The following FSTL5 variants were observed in gnomAD, a reference collection of about 807,000 sequenced individuals.
FSTL5 encodes the protein follistatin-related protein 5.
Under a neutral mutation model 89.1 loss-of-function variants are expected in FSTL5, and 62 were observed. The ratio of observed to expected loss-of-function variants is 0.70; its 90% CI spans 0.57 to 0.86. The LOEUF is 0.86. Ranked by LOEUF, FSTL5 falls within the 40% of genes least tolerant of loss-of-function variation. The pLI is 0.00. For missense variants in FSTL5, 1,057 were observed against 1,001.6 expected, an observed-to-expected ratio of 1.06 and a Z score of -0.75; for synonymous variants, 383 against 346.2, an observed-to-expected ratio of 1.11 and a Z score of -1.18.
At chr4:161,757,133 G>C (rs1740597755) in intron 6 of FSTL5, among the ~76,000 whole-genome samples, 1 of 152,022 alleles carries the variant, frequency 6.6e-6, no homozygotes, top group Admixed American at 6.5e-5. Flanking sequence ...TCAAGTATCT[G>C]ACTTTTTATT....
chr4:161,835,941 A>T (rs1408031412), intron 4 of FSTL5, among the ~76,000 whole-genome samples: 5 of 151,896 alleles, frequency 3.3e-5, no homozygotes, highest in Non-Finnish European at 5.9e-5. Flanking sequence ...TGACCCAGCC[A>T]TCCCATTACT....
chr4:161,929,672 T>C (rs1734228063), intron 3 of FSTL5, among the ~76,000 whole-genome samples: 1 of 109,482 alleles, frequency 9.1e-6, no homozygotes. Context: ...TGTGTGTGTG[T>C]GTGTGTGTGT....
At chr4:161,473,632 A>G (rs370373325) in intron 13 of FSTL5, among the ~76,000 whole-genome samples, 39 of 152,040 alleles carry the variant, frequency 2.6e-4, no homozygotes, top group African/African-American at 8.7e-4. Flanking sequence ...CCATCTCACT[A>G]TGTTGTCCAG....
intron 2 of FSTL5, among the ~76,000 whole-genome samples, chr4:162,094,032 C>G (rs1465604945): frequency 6.6e-6 from 1 of 152,048 alleles, no homozygotes; most frequent in East Asian, 1.9e-4. Context: ...TATTAAGAAC[C>G]ATTTTGATAT....
intron 6 of FSTL5, among the ~76,000 whole-genome samples, chr4:161,660,836 A>C (rs1271421928): frequency 3.3e-5 from 5 of 152,072 alleles, no homozygotes. Context: ...AGTATTCCAT[A>C]GTGTATACGT....
chr4:161,453,707 G>A (rs1019375018), intron 15 of FSTL5, among the ~76,000 whole-genome samples: 3 of 152,012 alleles, frequency 2.0e-5, no homozygotes, highest in South Asian at 2.1e-4. Flanking sequence ...CAATCCTCCC[G>A]CCTCATCCTC....
At chr4:161,547,714 A>G (rs72685745) in intron 8 of FSTL5, among the ~76,000 whole-genome samples, 11,570 of 151,948 alleles carry the variant, frequency 0.076, 538 homozygotes, top group Middle Eastern at 0.15. Flanking sequence ...CAGAAAAGTC[A>G]TTTACCTTTG....
Position 161,587,524 on chromosome 4 carries a change from C to A in FSTL5, c.946G>T (p.Val316Phe). 6.2e-7 allele frequency: 1 copy of A among 1,611,662 alleles called. No individual in the cohort carries two copies. The highest frequency in any genetic ancestry group is 2.2e-5 in the East Asian group (1 of 44,710). ...LYITKVTTTHVGNYTCYADGY... is the reference protein window; with the variant it reads ...LYITKVTTTHFGNYTCYADGY... ...TCTGCATAGCAGGTGTAATTGCCAA[C>A]GTGAGTTGTGGTAACCTTAGTAATA... The change falls in exon 8 of 16, where the codon GTT becomes TTT. Residue 316 changes from valine to phenylalanine, a missense_variant. Transcript: ENST00000306100.
At chr4:161,590,545 A>C (rs1733778133) in intron 7 of FSTL5, among the ~76,000 whole-genome samples, 1 of 152,160 alleles carries the variant, frequency 6.6e-6, no homozygotes, top group Non-Finnish European at 1.5e-5. Context: ...TCTCAAAACA[A>C]AACAAAACAA....
At chr4:161,899,658 G>A (rs947747127) in intron 4 of FSTL5, among the ~76,000 whole-genome samples, 10 of 152,202 alleles carry the variant, frequency 6.6e-5, no homozygotes, top group Admixed American at 6.5e-4. Context: ...ATCAAATAAT[G>A]GCCCTGATCC....
chr4:162,107,746 T>A (rs1197632934), intron 2 of FSTL5, among the ~76,000 whole-genome samples: 1 of 152,140 alleles, frequency 6.6e-6, no homozygotes, highest in African/African-American at 2.4e-5. Flanking sequence ...GTCATTTTGC[T>A]TTACTATCAT....
At chr4:161,756,522 T>C (rs758610270) in intron 6 of FSTL5, among the ~76,000 whole-genome samples, 28 of 152,254 alleles carry the variant, frequency 1.8e-4, no homozygotes, top group Non-Finnish European at 3.4e-4. Context: ...TTATGTGTAA[T>C]CTGTTTTACT....
rs192848200 is a variant in FSTL5 at position 161,399,106 on chromosome 4, A to G, written c.1842-12657T>C. 2.6e-5 allele frequency among the ~76,000 whole-genome samples: 4 copies of G among 152,274 alleles called. No homozygotes were observed. In the East Asian group the frequency reaches 7.7e-4, roughly 29 times the overall value. On this transcript the variant is annotated intron_variant, in intron 15 of 15. Transcript: ENST00000306100. ...AAAATAAAATAAGCGAAGTCTGTGC[A>G]TGGACTGAAGAGATACATGCTCAGA...
At chr4:161,982,611 G>T (rs1735855273) in intron 3 of FSTL5, among the ~76,000 whole-genome samples, 1 of 152,072 alleles carries the variant, frequency 6.6e-6, no homozygotes, top group African/African-American at 2.4e-5. Context: ...ACATATAAAA[G>T]AATTCCTCTC....
chr4:161,697,404 T>C (rs1186782703), intron 6 of FSTL5, among the ~76,000 whole-genome samples: 2 of 152,230 alleles, frequency 1.3e-5, no homozygotes, highest in East Asian at 3.8e-4. Context: ...CACCATCTTC[T>C]GTGACATTTT....
intron 3 of FSTL5, among the ~76,000 whole-genome samples, chr4:162,018,149 A>G (rs1186984514): frequency 1.3e-5 from 2 of 151,998 alleles, no homozygotes; most frequent in Non-Finnish European, 2.9e-5. Context: ...TTCTCAGATA[A>G]TGCTTGTTTT....
chr4:161,948,180 A>G (rs1265075013), intron 3 of FSTL5, among the ~76,000 whole-genome samples: 1 of 151,638 alleles, frequency 6.6e-6, no homozygotes, highest in Non-Finnish European at 1.5e-5. Flanking sequence ...CTACTTGACA[A>G]ACTGAAGCTA....
chr4:162,069,307 T>A (rs1251115744), intron 2 of FSTL5, among the ~76,000 whole-genome samples: 1 of 152,034 alleles, frequency 6.6e-6, no homozygotes, highest in Non-Finnish European at 1.5e-5. Flanking sequence ...AGTGATAGTT[T>A]AATATATGTA....
chr4:161,987,990 A>G (rs1736013242), intron 3 of FSTL5, among the ~76,000 whole-genome samples: 1 of 151,868 alleles, frequency 6.6e-6, no homozygotes, highest in African/African-American at 2.4e-5. Flanking sequence ...TTCAGTTTAA[A>G]ATTTCTAATT....
Sources: allele counts gnomAD v4.1 joint callset (sites outside exome capture counted in the v4.1 genomes callset), GRCh38; gene constraint gnomAD v4.1.1; transcripts MANE v1.5; gene names NCBI Gene and HGNC (gene_info 2026-07-23, HGNC 2026-07-21).